CACNA2D2: variants seen among roughly 807,000 people sequenced by gnomAD.
CACNA2D2 encodes voltage-dependent calcium channel subunit alpha-2/delta-2.
A neutral mutation model predicts 166.4 loss-of-function variants in CACNA2D2; 48 were observed. The ratio of observed to expected loss-of-function variants is 0.29; its 90% CI spans 0.23 to 0.37. CACNA2D2 has a LOEUF of 0.37. Among genes scored for constraint, CACNA2D2 ranks in the 10% least tolerant of loss-of-function variants. CACNA2D2 has a pLI of 1.00. For missense variants in CACNA2D2, 1,122 were observed against 1,433.0 expected (o/e 0.78, Z 3.50); for synonymous variants, 561 against 573.7 (o/e 0.98, Z 0.32).
chr3:50,413,904 T>C (rs1055871399), intron 3 of CACNA2D2, among the ~76,000 whole-genome samples: 3 of 152,022 alleles, frequency 2.0e-5, no homozygotes, highest in Admixed American at 6.6e-5. Context: ...AGGGTTTCGG[T>C]TGCCAGGGCC....
intron 3 of CACNA2D2, among the ~76,000 whole-genome samples, chr3:50,410,437 G>T (rs1048453600): frequency 6.6e-6 from 1 of 152,076 alleles, no homozygotes; most frequent in African/African-American, 2.4e-5. Context: ...CCTTGGGGTT[G>T]GTGTCCCTTC....
intron 3 of CACNA2D2, among the ~76,000 whole-genome samples, chr3:50,425,333 C>T (rs1707756493): frequency 2.0e-5 from 3 of 152,184 alleles, no homozygotes; most frequent in South Asian, 4.1e-4. Flanking sequence ...AGATGCCTTC[C>T]TTCTTCCTTT....
In CACNA2D2 at chr3:50,365,188, C is replaced by T. The variant is rs1025272956; in HGVS notation, c.3099-4G>A. 7 of 1,611,466 alleles carry T rather than the reference C, an allele frequency of 4.3e-6. No homozygotes were observed. In the African/African-American group the frequency reaches 8.0e-5, roughly 18 times the overall value. Reference sequence around the variant, plus strand: ...CAGTCTCTGCGCGTGGAACAGCCTGCGGGCAGCCCGGAAAGGCGGGGCGTT... The same window carrying T: ...CAGTCTCTGCGCGTGGAACAGCCTGTGGGCAGCCCGGAAAGGCGGGGCGTT... On this transcript the variant is annotated splice_region_variant and splice_polypyrimidine_tract_variant and intron_variant, in intron 35 of 37. Transcript: ENST00000424201. This position sits in a 1 kb window ranked among gnomAD's most constrained non-coding sequence, Gnocchi z 4.5.
chr3:50,371,583 A>C (rs1427530975), intron 22 of CACNA2D2, among the ~76,000 whole-genome samples: 1 of 152,088 alleles, frequency 6.6e-6, no homozygotes, highest in African/African-American at 2.4e-5. Context: ...CCAGGGCTTT[A>C]ATTGTATAGA....
chr3:50,439,376 C>T (rs147748471), intron 2 of CACNA2D2, among the ~76,000 whole-genome samples: 4 of 152,348 alleles, frequency 2.6e-5, no homozygotes, highest in Middle Eastern at 3.4e-3. Context: ...AGGTGAACAG[C>T]CCTAATCTCT....
At chr3:50,432,976 G>A (rs1708143308) in intron 3 of CACNA2D2, among the ~76,000 whole-genome samples, 1 of 152,220 alleles carries the variant, frequency 6.6e-6, no homozygotes. Flanking sequence ...AGCCTGTGTA[G>A]ACTTGCTCAT....
At chr3:50,381,649 G>GGGGGCGGGGGCTCTTGGA in intron 6 of CACNA2D2, among the ~76,000 whole-genome samples, 1 of 151,846 alleles carries the variant, frequency 6.6e-6, no homozygotes, top group Non-Finnish European at 1.5e-5. Context: ...AAGCAGGGGT[G>GGGGGCGGGGGCTCTTGGA]GGGGCGGGGG....
chr3:50,488,761 G>A (rs1215107975), intron 1 of CACNA2D2, among the ~76,000 whole-genome samples: 1 of 151,736 alleles, frequency 6.6e-6, no homozygotes, highest in African/African-American at 2.4e-5. Context: ...GTGCAGTGAT[G>A]TGATCTCTGC....
chr3:50,440,077 C>T (rs1708518787), intron 2 of CACNA2D2, among the ~76,000 whole-genome samples: 1 of 152,248 alleles, frequency 6.6e-6, no homozygotes, highest in African/African-American at 2.4e-5. Context: ...AGATCCAGGA[C>T]AGGCTGCACC....
At chr3:50,403,206 G>A (rs1168750701) in intron 3 of CACNA2D2, among the ~76,000 whole-genome samples, 1 of 152,178 alleles carries the variant, frequency 6.6e-6, no homozygotes, top group Non-Finnish European at 1.5e-5. Flanking sequence ...CTGTGAGGAT[G>A]TGGATGGAGA....
rs541035395 is a variant in CACNA2D2 at position 50,461,797 on chromosome 3, GAA to G, written c.288+14319_288+14320del. ...GAAAGAAAGGAAGGAAGGAAGGAAAGAAAAAATGTTCTCTACACCAAAATGAG... is the reference window on the plus strand; with the variant it reads ...GAAAGAAAGGAAGGAAGGAAGGAAAGAAAATGTTCTCTACACCAAAATGAG... On this transcript the variant is annotated intron_variant, in intron 2 of 37. Transcript: ENST00000424201. 3.0e-3 allele frequency among the ~76,000 whole-genome samples: 432 copies of G among 145,860 alleles called. 4 individuals are homozygous for G. The Middle Eastern group carries it at 0.032, about 11-fold the overall frequency.
In CACNA2D2 at chr3:50,487,021, G is replaced by C. The variant is rs115895524; in HGVS notation, c.207-10822C>G. Among the ~76,000 whole-genome samples the C allele has an allele frequency of 6.6e-5, 10 of 152,340 alleles. No homozygotes were observed. The South Asian group carries it at 2.1e-3, about 32-fold the overall frequency. On this transcript the variant is annotated intron_variant, in intron 1 of 37. Transcript: ENST00000424201. ...CACTCCATGTGATTTCCACTGCAGCGATGGTACCTCGGCCAGGCGCAGGCC... is the reference window on the plus strand; with the variant it reads ...CACTCCATGTGATTTCCACTGCAGCCATGGTACCTCGGCCAGGCGCAGGCC...
intron 4 of CACNA2D2, among the ~76,000 whole-genome samples, chr3:50,389,133 G>T (rs1413141652): frequency 2.0e-5 from 3 of 152,218 alleles, no homozygotes; most frequent in Non-Finnish European, 4.4e-5. Context: ...ACCAGTGCAA[G>T]AAGGCTGCAG....
At chr3:50,383,672 T>C (rs1430809824) in intron 6 of CACNA2D2, among the ~76,000 whole-genome samples, 2 of 152,130 alleles carry the variant, frequency 1.3e-5, no homozygotes, top group African/African-American at 4.8e-5. Flanking sequence ...CTGGCTGCTC[T>C]GGGCAGGAAA....
rs777635572 is a variant in CACNA2D2, at chr3:50,366,807, C to T, written c.2589+24G>A. The T allele has an allele frequency of 3.1e-6, 5 of 1,608,846 alleles. No individual in the cohort carries two copies. The highest frequency in any genetic ancestry group is 1.7e-4 in the Middle Eastern group (1 of 6,048). ...CTCCAGGAAGGGCACTGCTGGGTTA[C>T]TGCCCCCGCCCCTGCCCAAATACCT... On this transcript the variant is annotated intron_variant, in intron 29 of 37. Coordinates refer to ENST00000424201, the MANE Select transcript of CACNA2D2 (RefSeq NM_006030.4). This position sits in a 1 kb window ranked among gnomAD's most constrained non-coding sequence, Gnocchi z 5.9.
intron 4 of CACNA2D2, 28 bp from the exon 5 acceptor site, chr3:50,387,640 T>C (rs1254491090): frequency 1.9e-6 from 3 of 1,590,604 alleles, no homozygotes; most frequent in Admixed American, 1.7e-5. Flanking sequence ...GCCTCAGCAC[T>C]AGCTGCTCAG....
At chr3:50,400,601 G>A (rs1006119138) in intron 3 of CACNA2D2, among the ~76,000 whole-genome samples, 3 of 152,268 alleles carry the variant, frequency 2.0e-5, no homozygotes, top group Non-Finnish European at 2.9e-5. Flanking sequence ...AAATGCAGCA[G>A]GATGGGCAGT....
At chr3:50,398,144 A>G (rs1398927757) in intron 3 of CACNA2D2, among the ~76,000 whole-genome samples, 1 of 152,160 alleles carries the variant, frequency 6.6e-6, no homozygotes, top group Non-Finnish European at 1.5e-5. Flanking sequence ...CAGGGCAGGG[A>G]CAGGGTGCCT....
intron 3 of CACNA2D2, among the ~76,000 whole-genome samples, chr3:50,406,919 C>T (rs1030435732): frequency 6.6e-6 from 1 of 151,854 alleles, no homozygotes; most frequent in Non-Finnish European, 1.5e-5. Context: ...ACTCATTCTT[C>T]ACCTTTCTCT....
Sources: allele counts gnomAD v4.1 joint callset (sites outside exome capture counted in the v4.1 genomes callset), GRCh38; gene constraint gnomAD v4.1.1; non-coding constraint Gnocchi (gnomAD v3.1); transcripts MANE v1.5; gene names NCBI Gene and HGNC (gene_info 2026-07-23, HGNC 2026-07-21).